Variants in NFU1 observed in about 807,000 individuals in gnomAD.
The protein encoded by NFU1 is NFU1 iron-sulfur cluster scaffold homolog, mitochondrial.
Under a neutral mutation model 32.2 loss-of-function variants are expected in NFU1, and 30 were observed. The ratio of observed to expected loss-of-function variants is 0.93; its 90% CI spans 0.70 to 1.26. NFU1 has a LOEUF of 1.26. NFU1 is among the 50% of genes most tolerant of loss of function. The pLI, the probability that NFU1 is intolerant of heterozygous loss-of-function variation, is 0.00. For missense variants in NFU1, 306 were observed against 306.6 expected, an observed-to-expected ratio of 1.00 and a Z score of 0.02; for synonymous variants, 112 against 104.6, an observed-to-expected ratio of 1.07 and a Z score of -0.43.
chr2:69,406,097 A>G lies in NFU1; in HGVS notation c.485-15T>C. 1 of 1,504,010 alleles carries G rather than the reference A, an allele frequency of 6.6e-7. No individual in the cohort carries two copies. Among genetic ancestry groups the G allele is most frequent in the Non-Finnish European group, 9.2e-7 (1 of 1,082,194 alleles). The allele number at this position is 1,504,010 out of a possible 1,614,324, so 93.2% of individuals were successfully genotyped here. Reference sequence around the variant, plus strand: ...TTCTTCAGATCCTAGAAATAATTACATATAAAAACATCAAGAGTAGAAATT... The same window carrying G: ...TTCTTCAGATCCTAGAAATAATTACGTATAAAAACATCAAGAGTAGAAATT... On this transcript the variant is annotated splice_polypyrimidine_tract_variant and intron_variant, in intron 5 of 7. Transcript: ENST00000410022.
At chr2:69,433,669 T>C (rs1362463897) in intron 1 of NFU1, among the ~76,000 whole-genome samples, 3 of 152,144 alleles carry the variant, frequency 2.0e-5, no homozygotes, top group Middle Eastern at 3.4e-3. Context: ...AGAGACAGGG[T>C]TTCACCACGT....
At chr2:69,437,172 G>T (rs1673870722) in intron 1 of NFU1, 189 bp downstream of exon 1, 2 of 1,301,160 alleles carry the variant, frequency 1.5e-6, no homozygotes, top group African/African-American at 3.0e-5. Flanking sequence ...CCCGGATTAG[G>T]CCACAGAAGC....
chr2:69,396,162 A>C lies in NFU1; in HGVS notation c.*84T>G. ...GAAGAGCATATTTTATTAATCTTCA[A>C]GTTCCTCAGCATATTAATAATAAAA... is the stretch of plus-strand genomic sequence containing the variant. On this transcript the variant is annotated 3_prime_UTR_variant, in exon 8 of 8. Coordinates refer to ENST00000410022, the MANE Select transcript of NFU1 (RefSeq NM_001002755.4). The C allele has an allele frequency of 1.9e-6, 2 of 1,068,696 alleles. No individual in the cohort carries two copies. The highest frequency in any genetic ancestry group is 2.8e-6 in the Non-Finnish European group (2 of 703,422). The allele number at this position is 1,068,696 out of a possible 1,614,324, so 66.2% of individuals were successfully genotyped here. A position where few individuals can be genotyped will look rare whatever the true frequency, so the allele number is the denominator to read the frequency against.
At chr2:69,433,112 T>G (rs1673702083) in intron 1 of NFU1, among the ~76,000 whole-genome samples, 2 of 127,778 alleles carry the variant, frequency 1.6e-5, no homozygotes, top group East Asian at 5.1e-4. Context: ...ATCGTGCCAC[T>G]GCACTCCAGC....
chr2:69,433,747 A>T (rs1217524356), intron 1 of NFU1, among the ~76,000 whole-genome samples: 1 of 152,146 alleles, frequency 6.6e-6, no homozygotes, highest in African/African-American at 2.4e-5. Context: ...AAATGCTGGG[A>T]TTACACAGCC....
At chr2:69,437,874 C>CTTT (rs1238502277), upstream of NFU1, among the ~76,000 whole-genome samples, 4 of 152,186 alleles carry the variant, frequency 2.6e-5, no homozygotes, top group Non-Finnish European at 5.9e-5. Flanking sequence ...TTCTCCTGCC[C>CTTT]TTTTCCCATG....
intron 4 of NFU1, chr2:69,416,079 G>A (rs1673041100): frequency 6.6e-6 from 1 of 151,140 alleles, no homozygotes; most frequent in African/African-American, 2.4e-5. Context: ...AAGGTAAAAG[G>A]GAAAGGAAAA....
At chr2:69,401,890 CTT>C (rs1489626021) in intron 6 of NFU1, among the ~76,000 whole-genome samples, 1 of 129,662 alleles carries the variant, frequency 7.7e-6, no homozygotes, top group Non-Finnish European at 1.6e-5. Context: ...ACTTGATTAT[CTT>C]TTTTCCTTTT....
At chr2:69,414,680 A>G (rs936631508) in intron 5 of NFU1, among the ~76,000 whole-genome samples, 1 of 151,576 alleles carries the variant, frequency 6.6e-6, no homozygotes, top group Non-Finnish European at 1.5e-5. Flanking sequence ...CTAGTCTTAT[A>G]TATTCCCTGC....
At chr2:69,424,219 A>ATCTCTCTCTCTC (rs1373497650) in intron 2 of NFU1, among the ~76,000 whole-genome samples, 18 of 126,884 alleles carry the variant, frequency 1.4e-4, no homozygotes, top group African/African-American at 4.3e-4. Flanking sequence ...ATATATATAT[A>ATCTCTCTCTCTC]TCTCAATATA....
intron 5 of NFU1, among the ~76,000 whole-genome samples, chr2:69,414,494 T>C (rs895929613): frequency 1.3e-5 from 2 of 151,804 alleles, no homozygotes; most frequent in East Asian, 1.9e-4. Context: ...GGTGCACACC[T>C]GTAATCCCAG....
chr2:69,430,050 C>T, intron 2 of NFU1: 1 of 317,340 alleles, frequency 3.2e-6, no homozygotes, highest in South Asian at 2.6e-5. Flanking sequence ...AAAAAAAACA[C>T]CTAATTTGAA....
chr2:69,437,388 G>T lies in NFU1; in HGVS notation c.35C>A (p.Ala12Glu). 6.2e-7 allele frequency: 1 copy of T among 1,609,550 alleles called. No individual in the cohort carries two copies. The highest frequency in any genetic ancestry group is 2.2e-5 in the East Asian group (1 of 44,814). Reference sequence around the variant, plus strand: ...CCTGCGCAGCCCGGCGGCAACAGCCGCAGCTCCCCAGCCCCGCCTGGCCGT... The same window carrying T: ...CCTGCGCAGCCCGGCGGCAACAGCCTCAGCTCCCCAGCCCCGCCTGGCCGT... ...AATARRGWGA[A>E]AVAAGLRRRF... is the part of the protein sequence containing the mutation. Residue 12 changes from alanine to glutamate, a missense_variant, in exon 1 of 8, where the codon GCG becomes GAG. By Grantham distance (107) the Ala-to-Glu change is moderately radical. Transcript: ENST00000410022.
chr2:69,426,076 G>A (rs1294821721), intron 2 of NFU1, among the ~76,000 whole-genome samples: 3 of 151,906 alleles, frequency 2.0e-5, no homozygotes, highest in South Asian at 2.1e-4. Context: ...GGATTCAAGC[G>A]ATTCTCATGC....
upstream of NFU1, chr2:69,437,687 C>T: frequency 1.7e-6 from 1 of 583,014 alleles, no homozygotes. Flanking sequence ...TGTTTCCGTA[C>T]TTTGTTTTCC....
intron 7 of NFU1, among the ~76,000 whole-genome samples, chr2:69,399,839 G>C (rs769883276): frequency 6.6e-6 from 1 of 151,896 alleles, no homozygotes; most frequent in Non-Finnish European, 1.5e-5. Flanking sequence ...AAAAATGCCT[G>C]GCACATAGTA....
intron 3 of NFU1, 100 bp from the exon 4 acceptor site, chr2:69,419,704 C>T (rs2104782331): frequency 1.4e-6 from 1 of 730,614 alleles, no homozygotes; most frequent in South Asian, 1.6e-5. Context: ...TCCACATATC[C>T]TTTGCAGCTT....
At chr2:69,410,788 A>G (rs1337982518) in intron 5 of NFU1, 1 of 152,222 alleles carries the variant, frequency 6.6e-6, no homozygotes, top group Non-Finnish European at 1.5e-5. Context: ...TTGGGGATGA[A>G]AAAATATCAA....
chr2:69,408,353 T>G (rs1672767012), intron 5 of NFU1, among the ~76,000 whole-genome samples: 1 of 152,220 alleles, frequency 6.6e-6, no homozygotes, highest in African/African-American at 2.4e-5. Context: ...TTTGCCAGTT[T>G]CTTCATTATT....
Sources: allele counts gnomAD v4.1 joint callset (sites outside exome capture counted in the v4.1 genomes callset), GRCh38; gene constraint gnomAD v4.1.1; transcripts MANE v1.5; gene names NCBI Gene and HGNC (gene_info 2026-07-23, HGNC 2026-07-21).